The following MGST3 variants were observed in gnomAD, a reference collection of about 807,000 sequenced individuals.
The protein encoded by MGST3 is glutathione S-transferase 3, mitochondrial.
A neutral mutation model predicts 15.8 loss-of-function variants in MGST3; 13 were observed. That is an observed-to-expected ratio of 0.82 (90% CI 0.54 to 1.31). The LOEUF (loss-of-function observed/expected upper bound fraction) is 1.31, where lower values mean the gene tolerates loss of function less well. MGST3 is among the 50% of genes most tolerant of loss of function. The pLI is 0.00. For missense variants in MGST3, 155 were observed against 192.4 expected (o/e 0.81, Z 1.15); for synonymous variants, 49 against 68.1 (o/e 0.72, Z 1.38).
intron 1 of MGST3, among the ~76,000 whole-genome samples, chr1:165,642,265 G>A (rs1557992727): frequency 6.6e-6 from 1 of 152,200 alleles, no homozygotes; most frequent in Non-Finnish European, 1.5e-5. Flanking sequence ...CACTCAGTAA[G>A]CCTGAATAAG....
intron 2 of MGST3, chr1:165,650,693 T>G (rs1648528223): frequency 5.3e-6 from 2 of 380,936 alleles, no homozygotes; most frequent in African/African-American, 4.2e-5. Flanking sequence ...CCCTACAGTA[T>G]CTTTGTAATG....
rs1018644468 is a variant in MGST3, at chr1:165,655,580, A to T, written c.*76A>T. The T allele has an allele frequency of 3.5e-5, 55 of 1,568,998 alleles. No individual in the cohort carries two copies. The African/African-American group carries it at 6.9e-4, about 20-fold the overall frequency. On this transcript the variant is annotated 3_prime_UTR_variant, in exon 6 of 6. Coordinates refer to ENST00000367889, the MANE Select transcript of MGST3 (RefSeq NM_004528.4). ...ATTTCCAGTTACATTTTTTTTCTAAATATAATAAAAACTTACCTGGCATCA... is the reference window on the plus strand; with the variant it reads ...ATTTCCAGTTACATTTTTTTTCTAATTATAATAAAAACTTACCTGGCATCA...
intron 1 of MGST3, among the ~76,000 whole-genome samples, chr1:165,639,218 TC>T (rs1327762747): frequency 5.3e-5 from 8 of 152,164 alleles, no homozygotes; most frequent in South Asian, 2.1e-4. Context: ...CAGAGGACTT[TC>T]CCCTCGGTGC....
chr1:165,632,069 C>T (rs1647968110), intron 1 of MGST3: 2 of 602,032 alleles, frequency 3.3e-6, no homozygotes, highest in South Asian at 4.1e-5. Flanking sequence ...AGTCATTCCC[C>T]GAAGTTGTGG....
At chr1:165,633,294 T>C (rs1648007181) in intron 1 of MGST3, among the ~76,000 whole-genome samples, 2 of 152,244 alleles carry the variant, frequency 1.3e-5, no homozygotes, top group South Asian at 2.1e-4. Flanking sequence ...AAAATTGTAC[T>C]ATCTTTCAAA....
intron 1 of MGST3, among the ~76,000 whole-genome samples, chr1:165,641,230 T>C (rs760756347): frequency 2.8e-4 from 43 of 152,192 alleles, no homozygotes; most frequent in Non-Finnish European, 4.4e-4. Flanking sequence ...TTTGTTTGCA[T>C]GTTTGTTGTC....
chr1:165,651,971 A>G lies in MGST3; in HGVS notation c.192-7A>G, dbSNP rs932905401. On this transcript the variant is annotated splice_region_variant and splice_polypyrimidine_tract_variant and intron_variant, in intron 3 of 5. Coordinates refer to ENST00000367889, the MANE Select transcript of MGST3 (RefSeq NM_004528.4). The stretch of plus-strand genomic sequence containing the variant: ...ACTTTTTAAAAGTTTCTTTCTGTCA[A>G]TTCCAGGTTGGAAGTGTATCCTCCC... The G allele has an allele frequency of 1.9e-6, 3 of 1,609,444 alleles. No homozygotes were observed. In the African/African-American group the frequency reaches 4.0e-5, roughly 22 times the overall value.
intron 1 of MGST3, among the ~76,000 whole-genome samples, chr1:165,640,555 A>T (rs1016272942): frequency 6.6e-6 from 1 of 152,126 alleles, no homozygotes; most frequent in African/African-American, 2.4e-5. Flanking sequence ...CCTAGGAACT[A>T]GTTAGATATG....
At chr1:165,640,373 G>T (rs1326302968) in intron 1 of MGST3, among the ~76,000 whole-genome samples, 2 of 151,860 alleles carry the variant, frequency 1.3e-5, no homozygotes, top group Non-Finnish European at 2.9e-5. Flanking sequence ...TTCAGGGGTG[G>T]TACAGAAGGA....
chr1:165,651,201 T>C (rs2101723865), intron 3 of MGST3, 114 bp downstream of exon 3: 2 of 874,918 alleles, frequency 2.3e-6, no homozygotes, highest in East Asian at 2.4e-5. Context: ...GTGACAATCA[T>C]GGGCACCTCA....
intron 2 of MGST3, chr1:165,650,341 T>C (rs1571155374): frequency 3.2e-6 from 1 of 311,152 alleles, no homozygotes; most frequent in East Asian, 8.4e-5. Flanking sequence ...GTGATTTTCC[T>C]GTTTTCCAAG....
intron 5 of MGST3, among the ~76,000 whole-genome samples, chr1:165,654,607 C>T (rs1202209126): frequency 6.6e-6 from 1 of 152,118 alleles, no homozygotes; most frequent in Non-Finnish European, 1.5e-5. Flanking sequence ...GGGAGGATTG[C>T]TTCAGCCCAG....
intron 1 of MGST3, among the ~76,000 whole-genome samples, chr1:165,633,340 A>G (rs954912938): frequency 6.6e-6 from 1 of 152,260 alleles, no homozygotes; most frequent in Non-Finnish European, 1.5e-5. Context: ...TTTATCCTTT[A>G]GAATCATAGA....
chr1:165,655,291 T>C (rs1351801098), intron 5 of MGST3, 77 bp from the exon 6 acceptor site: 5 of 1,574,698 alleles, frequency 3.2e-6, no homozygotes, highest in Admixed American at 3.5e-5. Flanking sequence ...GATGCGATGA[T>C]AGAATGGCTT....
At chr1:165,633,156 A>T (rs1385398803) in intron 1 of MGST3, among the ~76,000 whole-genome samples, 1 of 152,056 alleles carries the variant, frequency 6.6e-6, no homozygotes, top group African/African-American at 2.4e-5. Context: ...CTGAACAAAA[A>T]ATTTAGCAGT....
chr1:165,652,164 TA>T (rs1648579132), intron 4 of MGST3, 129 bp downstream of exon 4: 2 of 753,470 alleles, frequency 2.7e-6, no homozygotes, highest in Admixed American at 4.1e-5. Context: ...AAAAGGATTT[TA>T]TTCAATTATT....
chr1:165,631,872 G>C (rs9333376), intron 1 of MGST3, among the ~76,000 whole-genome samples: 2 of 152,218 alleles, frequency 1.3e-5, no homozygotes, highest in African/African-American at 4.8e-5. Context: ...ATTTGTACTG[G>C]GAAGGTGGTC....
intron 1 of MGST3, among the ~76,000 whole-genome samples, chr1:165,641,249 G>T (rs1036570279): frequency 6.6e-6 from 1 of 152,202 alleles, no homozygotes; most frequent in African/African-American, 2.4e-5. Flanking sequence ...TCAGTCTCCT[G>T]TCATCATTCG....
chr1:165,631,381 T>A (rs1647937739), intron 1 of MGST3, 88 bp downstream of exon 1: 1 of 152,778 alleles, frequency 6.5e-6, no homozygotes, highest in Non-Finnish European at 1.5e-5. Context: ...TATTTCAGCC[T>A]ATGCGAGCTG....
Sources: allele counts gnomAD v4.1 joint callset (sites outside exome capture counted in the v4.1 genomes callset), GRCh38; gene constraint gnomAD v4.1.1; transcripts MANE v1.5; gene names NCBI Gene and HGNC (gene_info 2026-07-23, HGNC 2026-07-21).